The following PCDHA2 variants were observed in gnomAD, a reference collection of about 807,000 sequenced individuals.
The protein encoded by PCDHA2 is protocadherin alpha 2, also known as protocadherin alpha-2.
A neutral mutation model predicts 66.0 loss-of-function variants in PCDHA2; 58 were observed. That is an observed-to-expected ratio of 0.88 (90% confidence interval 0.71 to 1.09). The LOEUF (loss-of-function observed/expected upper bound fraction) is 1.09. Ranked by LOEUF, PCDHA2 falls within the 50% of genes least tolerant of loss-of-function variation. The pLI, the probability that PCDHA2 is intolerant of heterozygous loss-of-function variation, is 0.00. For missense variants in PCDHA2, 1,267 were observed against 1,242.3 expected (o/e 1.02, Z -0.30); for synonymous variants, 634 against 554.0 (o/e 1.14, Z -2.03).
chr5:140,982,267 A>T, intron 2 of PCDHA2: 4 of 883,458 alleles, frequency 4.5e-6, no homozygotes, highest in Non-Finnish European at 6.5e-6. Context: ...GTGTTCCTGG[A>T]ATAGTATAGC....
At chr5:140,828,116 T>C (rs2150151180) in intron 1 of PCDHA2, 39 of 1,612,242 alleles carry the variant, frequency 2.4e-5, no homozygotes, top group Admixed American at 2.0e-4. Flanking sequence ...GGAGGATAGA[T>C]TGGGAAAGCA....
chr5:140,897,975 C>T (rs2066435180), intron 1 of PCDHA2, among the ~76,000 whole-genome samples: 1 of 152,228 alleles, frequency 6.6e-6, no homozygotes. Context: ...CTTTTGGCTG[C>T]ATAAATGTCT....
chr5:140,879,467 C>T (rs1331120758), intron 1 of PCDHA2, among the ~76,000 whole-genome samples: 1 of 152,040 alleles, frequency 6.6e-6, no homozygotes, highest in Admixed American at 6.6e-5. Context: ...TAAGAGAATA[C>T]CGTTGTGATT....
At chr5:140,864,250 T>G (rs2048388075) in intron 1 of PCDHA2, 1 of 152,242 alleles carries the variant, frequency 6.6e-6, no homozygotes, top group Non-Finnish European at 1.5e-5. Flanking sequence ...ATTCATTTTC[T>G]TATTCTGATT....
chr5:140,837,615 C>CCCTTCCTT (rs528339826), intron 1 of PCDHA2, among the ~76,000 whole-genome samples: 3 of 145,806 alleles, frequency 2.1e-5, no homozygotes, highest in Admixed American at 6.9e-5. Context: ...TATAATTTGC[C>CCCTTCCTT]CCTTCCTTCC....
At chr5:140,843,133 C>G in intron 1 of PCDHA2, 1 of 1,595,974 alleles carries the variant, frequency 6.3e-7, no homozygotes, top group Non-Finnish European at 8.6e-7. Flanking sequence ...CGGGCTACAA[C>G]GCGTGGCTTT....
Position 140,883,664 on chromosome 5 carries a change from G to A in PCDHA2, c.2388+86312G>A, listed in dbSNP as rs200846533. The A allele has an allele frequency of 6.7e-5, 108 of 1,613,836 alleles. No individual in the cohort carries two copies. Among genetic ancestry groups the A allele is most frequent in the Non-Finnish European group, 8.9e-5 (105 of 1,179,872 alleles). On this transcript the variant is annotated intron_variant, in intron 1 of 3. Transcript: ENST00000526136. ...GCCCGAGTACACGGTGTTCGTGAAG[G>A]AAAACAATCCGCCGGGCTGCCACAT... is the stretch of plus-strand genomic sequence containing the variant.
chr5:140,881,127 A>G (rs1274793505), intron 1 of PCDHA2, among the ~76,000 whole-genome samples: 1 of 152,234 alleles, frequency 6.6e-6, no homozygotes, highest in Non-Finnish European at 1.5e-5. Context: ...GTGGCTTGGT[A>G]GAGATAGTTA....
intron 1 of PCDHA2, among the ~76,000 whole-genome samples, chr5:140,956,166 C>T (rs180917985): frequency 7.2e-5 from 11 of 152,232 alleles, no homozygotes; most frequent in Non-Finnish European, 1.5e-4. Flanking sequence ...TTGCCATAGC[C>T]AGAACTTCCA....
chr5:140,856,116 G>A, intron 1 of PCDHA2: 2 of 1,598,152 alleles, frequency 1.3e-6, no homozygotes, highest in African/African-American at 2.7e-5. Context: ...CTCGCAGCCT[G>A]GGAGGTGGGG....
At chr5:140,851,302 A>G (rs2042019677) in intron 1 of PCDHA2, 4 of 1,013,018 alleles carry the variant, frequency 3.9e-6, no homozygotes, top group Non-Finnish European at 3.7e-6. Context: ...AAAAATATAT[A>G]GCAATTGTTA....
chr5:140,946,611 A>AATATATATATATATATATATATAT (rs1554217734), intron 1 of PCDHA2, among the ~76,000 whole-genome samples: 1,222 of 86,096 alleles, frequency 0.014, 42 homozygotes, highest in African/African-American at 0.029. Context: ...GAAAATGTGA[A>AATATATATATATATATATATATAT]ATATATATAT....
chr5:140,885,516 T>A (rs1235698672), intron 1 of PCDHA2, among the ~76,000 whole-genome samples: 2 of 152,198 alleles, frequency 1.3e-5, no homozygotes, highest in Non-Finnish European at 2.9e-5. Flanking sequence ...TGCTGTGCTA[T>A]CATTTCATAT....
At chr5:140,872,539 A>G (rs2053732284) in intron 1 of PCDHA2, among the ~76,000 whole-genome samples, 1 of 152,128 alleles carries the variant, frequency 6.6e-6, no homozygotes, top group Admixed American at 6.5e-5. Flanking sequence ...ACATGAGAGG[A>G]TCCCCTGAAC....
At chr5:140,822,783 A>G (rs1177899352) in intron 1 of PCDHA2, 2 of 1,614,034 alleles carry the variant, frequency 1.2e-6, no homozygotes, top group African/African-American at 1.3e-5. Flanking sequence ...GTAAAGTAGT[A>G]GTGAAACTCC....
At chr5:140,973,324 C>T (rs1261856526) in intron 1 of PCDHA2, among the ~76,000 whole-genome samples, 4 of 152,174 alleles carry the variant, frequency 2.6e-5, no homozygotes, top group Admixed American at 1.3e-4. Context: ...ACAGAGTTTA[C>T]ACTCGTTGTA....
intron 3 of PCDHA2, among the ~76,000 whole-genome samples, chr5:140,983,853 A>T (rs1447321377): frequency 6.6e-6 from 1 of 152,230 alleles, no homozygotes; most frequent in African/African-American, 2.4e-5. Context: ...ATTAAGTAAC[A>T]TGCAGCTAAG....
chr5:140,836,493 A>T (rs1554136006), intron 1 of PCDHA2: 4 of 1,613,732 alleles, frequency 2.5e-6, no homozygotes, highest in Admixed American at 1.7e-5. Context: ...GATCATCGCC[A>T]TCTGCGCGGT....
At chr5:140,827,915 C>A in intron 1 of PCDHA2, 1 of 875,402 alleles carries the variant, frequency 1.1e-6, no homozygotes, top group Non-Finnish European at 1.8e-6. Flanking sequence ...CATGATGTCG[C>A]TGTCTACCAT....
Sources: allele counts gnomAD v4.1 joint callset (sites outside exome capture counted in the v4.1 genomes callset), GRCh38; gene constraint gnomAD v4.1.1; transcripts MANE v1.5; gene names NCBI Gene and HGNC (gene_info 2026-07-23, HGNC 2026-07-21).